The following FDX1 variants were observed in gnomAD, a reference collection of about 807,000 sequenced individuals.
The protein encoded by FDX1 is adrenodoxin, mitochondrial.
Under a neutral mutation model 14.9 loss-of-function variants are expected in FDX1, and 9 were observed. The observed-to-expected ratio is 0.60, with a 90% CI of 0.36 to 1.05. The LOEUF is 1.05. FDX1 is among the 50% of genes least tolerant of loss of function. FDX1 has a pLI of 0.01. For synonymous variants in FDX1, 92 were observed against 99.4 expected (o/e 0.93, Z 0.44); for missense variants, 204 against 237.2 (o/e 0.86, Z 0.92).
chr11:110,444,680 ATATACACG>A (rs1946430420), intron 2 of FDX1, among the ~76,000 whole-genome samples: 2 of 72,894 alleles, frequency 2.7e-5, no homozygotes, highest in African/African-American at 1.3e-4. Context: ...ATATATATAT[ATATACACG>A]TATATATATA....
chr11:110,453,978 G>C (rs1339919718), intron 2 of FDX1, among the ~76,000 whole-genome samples: 1 of 152,104 alleles, frequency 6.6e-6, no homozygotes, highest in Non-Finnish European at 1.5e-5. Context: ...AGGATAAATT[G>C]TTGGCAAGTT....
intron 2 of FDX1, among the ~76,000 whole-genome samples, chr11:110,448,425 G>A (rs1329517861): frequency 6.6e-6 from 1 of 152,076 alleles, no homozygotes; most frequent in Non-Finnish European, 1.5e-5. Flanking sequence ...TGGGAAAGGG[G>A]TTAGGTGTCG....
At chr11:110,434,709 T>C (rs1347545348) in intron 1 of FDX1, among the ~76,000 whole-genome samples, 2 of 149,234 alleles carry the variant, frequency 1.3e-5, no homozygotes, top group African/African-American at 4.9e-5. Flanking sequence ...CAGAGAGCTG[T>C]GTGATGACTT....
chr11:110,447,766 G>T (rs1306331711), intron 2 of FDX1, among the ~76,000 whole-genome samples: 1 of 152,122 alleles, frequency 6.6e-6, no homozygotes, highest in Non-Finnish European at 1.5e-5. Context: ...GCGAGGCTTT[G>T]CCCAGCCACC....
At chr11:110,431,665 A>G (rs918864351) in intron 1 of FDX1, among the ~76,000 whole-genome samples, 1 of 152,208 alleles carries the variant, frequency 6.6e-6, no homozygotes, top group East Asian at 1.9e-4. Flanking sequence ...ATTGGGACAG[A>G]TATTGAACAT....
At chr11:110,442,100 G>A (rs1946408294) in intron 2 of FDX1, among the ~76,000 whole-genome samples, 1 of 152,224 alleles carries the variant, frequency 6.6e-6, no homozygotes, top group Non-Finnish European at 1.5e-5. Flanking sequence ...ACTGGGGCTT[G>A]GGAACCTCCG....
rs944626520 is a variant in FDX1 at position 110,430,223 on chromosome 11, A to G, written c.103A>G (p.Ser35Gly). ...CCACGCTGGGTCCCGCGCTGGATCC[A>G]GCGGCCTGCTGAGGAACCGGGGGCC... The part of the protein sequence containing the change: ...LHHAGSRAGS[S>G]GLLRNRGPGG... Residue 35 changes from serine to glycine, a missense_variant, in exon 1 of 4, where the codon AGC becomes GGC. Ser to Gly is a moderately conservative substitution (Grantham distance 56). Coordinates refer to ENST00000260270, the MANE Select transcript of FDX1 (RefSeq NM_004109.5). 5 of 1,209,710 alleles carry G rather than the reference A, an allele frequency of 4.1e-6. No homozygotes were observed. Among genetic ancestry groups the G allele is most frequent in the Non-Finnish European group, 5.1e-6 (5 of 974,270 alleles). 74.9% of individuals were successfully genotyped at this position (1,209,710 alleles called of 1,614,324 possible). A position where few individuals can be genotyped will look rare whatever the true frequency, so the allele number is the denominator to read the frequency against.
intron 2 of FDX1, among the ~76,000 whole-genome samples, chr11:110,440,307 A>G (rs2134678736): frequency 6.6e-6 from 1 of 152,068 alleles, no homozygotes; most frequent in Middle Eastern, 3.4e-3. Flanking sequence ...TTCTTCTGCT[A>G]GCTTTGGGTT....
intron 2 of FDX1, among the ~76,000 whole-genome samples, chr11:110,455,440 A>G (rs1946515811): frequency 6.6e-6 from 1 of 152,206 alleles, no homozygotes; most frequent in Admixed American, 6.5e-5. Flanking sequence ...TATTTCATAT[A>G]ATATTTAGTG....
chr11:110,446,759 A>G (rs984421383), intron 2 of FDX1, among the ~76,000 whole-genome samples: 5 of 152,160 alleles, frequency 3.3e-5, no homozygotes, highest in African/African-American at 1.2e-4. Context: ...CCATCCCTAC[A>G]GTCGGCACGA....
chr11:110,452,385 C>T (rs566171020), intron 2 of FDX1, among the ~76,000 whole-genome samples: 148 of 152,084 alleles, frequency 9.7e-4, no homozygotes, highest in African/African-American at 3.4e-3. Context: ...GCTCTCCAAA[C>T]TTAACAGTAA....
At chr11:110,432,613 C>T (rs1328142369) in intron 1 of FDX1, among the ~76,000 whole-genome samples, 4 of 152,004 alleles carry the variant, frequency 2.6e-5, no homozygotes, top group African/African-American at 9.7e-5. Flanking sequence ...GGATTACAGG[C>T]GCGTGCCACC....
chr11:110,430,299 G>A lies in FDX1; in HGVS notation c.179G>A (p.Arg60Gln). Reference protein sequence around the residue: ...SRSLSVSARARSSSEDKITVH... With the variant: ...SRSLSVSARAQSSSEDKITVH... The stretch of plus-strand genomic sequence containing the variant: ...TCGCTGAGCGTGTCGGCGCGGGCCC[G>A]GAGCAGGTAGGGCGCCGTGCGGGCG... The change falls in exon 1 of 4, where the codon CGG (arginine) becomes CAG (glutamine). Residue 60 changes from arginine to glutamine, a missense_variant. Transcript: ENST00000260270. 1 of 1,196,430 alleles carries A rather than the reference G, an allele frequency of 8.4e-7. No individual in the cohort carries two copies. Among genetic ancestry groups the A allele is most frequent in the Non-Finnish European group, 1.0e-6 (1 of 964,924 alleles). 74.1% of individuals were successfully genotyped at this position (1,196,430 alleles called of 1,614,324 possible).
At chr11:110,444,194 A>T (rs1419285587) in intron 2 of FDX1, among the ~76,000 whole-genome samples, 1 of 152,174 alleles carries the variant, frequency 6.6e-6, no homozygotes, top group African/African-American at 2.4e-5. Context: ...GAGGTCTTAA[A>T]TTTAAATCTT....
At chr11:110,456,171 G>A (rs908011859) in intron 2 of FDX1, among the ~76,000 whole-genome samples, 2 of 152,150 alleles carry the variant, frequency 1.3e-5, no homozygotes, top group African/African-American at 4.8e-5. Flanking sequence ...AGATTGAGAG[G>A]GAAGAACATT....
intron 2 of FDX1, among the ~76,000 whole-genome samples, chr11:110,447,196 G>T (rs1178411236): frequency 8.0e-6 from 1 of 124,482 alleles, no homozygotes; most frequent in Non-Finnish European, 1.6e-5. Flanking sequence ...AAAAAAAACC[G>T]AGATGGGCGG....
Position 110,462,958 on chromosome 11 carries a change from T to C in FDX1, c.*490T>C, listed in dbSNP as rs184294927. ...GGAGAAATTATGACTATTTTATTTA[T>C]AGTAGTAGTTAAATCTGAATGTGTA... is the stretch of plus-strand genomic sequence containing the variant. On this transcript the variant is annotated 3_prime_UTR_variant, in exon 4 of 4. Transcript: ENST00000260270. 4 of 152,608 alleles carry C rather than the reference T, an allele frequency of 2.6e-5. No homozygotes were observed. The highest frequency in any genetic ancestry group is 4.8e-5 in the African/African-American group (2 of 41,592). 9.5% of individuals were successfully genotyped at this position (152,608 alleles called of 1,614,324 possible).
chr11:110,454,007 C>T (rs1335570500), intron 2 of FDX1, among the ~76,000 whole-genome samples: 2 of 151,890 alleles, frequency 1.3e-5, no homozygotes, highest in African/African-American at 2.4e-5. Context: ...AGAAAAGGTT[C>T]GAAAAGGACC....
At chr11:110,443,036 C>G (rs1591249280) in intron 2 of FDX1, among the ~76,000 whole-genome samples, 1 of 152,312 alleles carries the variant, frequency 6.6e-6, no homozygotes, top group South Asian at 2.1e-4. Context: ...TGACTTGTTC[C>G]TCGTTGCCTT....
Sources: allele counts gnomAD v4.1 joint callset (sites outside exome capture counted in the v4.1 genomes callset), GRCh38; gene constraint gnomAD v4.1.1; transcripts MANE v1.5; gene names NCBI Gene and HGNC (gene_info 2026-07-23, HGNC 2026-07-21).